PCDHGB2: variants seen among roughly 807,000 people sequenced by gnomAD.
PCDHGB2 encodes protocadherin gamma-B2.
PCDHGB2 carries 55 observed loss-of-function variants against 59.3 expected under a neutral mutation model. That is an observed-to-expected ratio of 0.93 (90% confidence interval 0.75 to 1.16). PCDHGB2 has a LOEUF of 1.16. Ranked by LOEUF, PCDHGB2 falls within the 50% of genes most tolerant of loss-of-function variation. PCDHGB2 has a pLI of 0.00. For synonymous variants in PCDHGB2, 516 were observed against 512.0 expected (o/e 1.01, Z -0.11); for missense variants, 1,228 against 1,198.5 (o/e 1.02, Z -0.36).
chr5:141,489,431 T>C lies in PCDHGB2; in HGVS notation c.2422-5376T>C. 6.2e-7 allele frequency: 1 copy of C among 1,614,132 alleles called. No individual in the cohort carries two copies. Among genetic ancestry groups the C allele is most frequent in the Non-Finnish European group, 8.5e-7 (1 of 1,180,024 alleles). On this transcript the variant is annotated intron_variant, in intron 1 of 3. Transcript: ENST00000522605. This position sits in a 1 kb window ranked among gnomAD's most constrained non-coding sequence, Gnocchi z 4.5. ...ATGACAGATCTGTTGAGCCGGCGGC[T>C]GCAATTGGGCTCTGAGGAGAATGGG...
At chr5:141,430,586 C>G in intron 1 of PCDHGB2, 1 of 517,248 alleles carries the variant, frequency 1.9e-6, no homozygotes, top group Non-Finnish European at 3.1e-6. Context: ...TCCTGCTCGC[C>G]TTGCACGCGC....
Position 141,431,334 on chromosome 5 carries a change from C to G in PCDHGB2, c.2422-63473C>G, listed in dbSNP as rs775651426. ...AATGGAGCCGACGGTAGTAAGTACC[C>G]CGAATTGGTGCTGAAACGCGCCCTG... On this transcript the variant is annotated intron_variant, in intron 1 of 3. Transcript: ENST00000522605. This position sits in a 1 kb window ranked among gnomAD's most constrained non-coding sequence, Gnocchi z 4.8. 1.9e-6 allele frequency: 3 copies of G among 1,614,118 alleles called. No individual in the cohort carries two copies. The South Asian group carries it at 3.3e-5, about 18-fold the overall frequency.
At chr5:141,389,843 G>T (rs372102656) in intron 1 of PCDHGB2, 3 of 1,614,016 alleles carry the variant, frequency 1.9e-6, no homozygotes, top group Non-Finnish European at 2.5e-6. Context: ...CACCACTCTC[G>T]GCCACTGCCA....
At chr5:141,448,907 T>G (rs1253773780) in intron 1 of PCDHGB2, among the ~76,000 whole-genome samples, 1 of 152,178 alleles carries the variant, frequency 6.6e-6, no homozygotes, top group African/African-American at 2.4e-5. Flanking sequence ...ATCGTGCCAC[T>G]GCACTCCAGC....
intron 1 of PCDHGB2, among the ~76,000 whole-genome samples, chr5:141,445,924 A>G (rs1451439271): frequency 6.6e-6 from 1 of 152,184 alleles, no homozygotes; most frequent in Non-Finnish European, 1.5e-5. Flanking sequence ...GTGACAAGAT[A>G]TTTGAATTAT....
In PCDHGB2 at chr5:141,409,031, A is replaced by G. The variant is rs748995883; in HGVS notation, c.2421+46475A>G. The G allele has an allele frequency of 1.2e-6, 2 of 1,614,032 alleles. No individual in the cohort carries two copies. The highest frequency in any genetic ancestry group is 1.7e-6 in the Non-Finnish European group (2 of 1,179,904). The stretch of plus-strand genomic sequence containing the variant: ...CCAGGATGAGGGGGTCAATGCTGAG[A>G]TAAACTACTACTTCCGAAGCACTGC... On this transcript the variant is annotated intron_variant, in intron 1 of 3. Transcript: ENST00000522605.
rs999463482 is a variant in PCDHGB2, at chr5:141,506,400, T to C, written c.2569+919T>C. ...GGAGGTGGCTGTGGTGAGCAGAAAATCGCACCACTGCACTCCAGCCTGGGC... is the reference window on the plus strand; with the variant it reads ...GGAGGTGGCTGTGGTGAGCAGAAAACCGCACCACTGCACTCCAGCCTGGGC... On this transcript the variant is annotated intron_variant, in intron 3 of 3. Coordinates refer to ENST00000522605, the MANE Select transcript of PCDHGB2 (RefSeq NM_018923.3). 1.2e-4 allele frequency among the ~76,000 whole-genome samples: 16 copies of C among 135,754 alleles called. No homozygotes were observed. In the Admixed American group the frequency reaches 1.3e-3, roughly 11 times the overall value. The allele number at this position is 135,754 out of a possible 152,430, so 89.1% of individuals were successfully genotyped here.
chr5:141,399,894 C>G lies in PCDHGB2; in HGVS notation c.2421+37338C>G, dbSNP rs201911174. ...GCTACCTGGTGACCAAGGTAGTGGC[C>G]GTGGACGCAGACTCAGGACACAACG... On this transcript the variant is annotated intron_variant, in intron 1 of 3. Transcript: ENST00000522605. 9.2e-4 allele frequency: 1,477 copies of G among 1,612,556 alleles called. 21 individuals carry two copies. In the South Asian group the frequency reaches 0.015, roughly 17 times the overall value.
At chr5:141,508,029 A>C (rs941166006) in intron 3 of PCDHGB2, 10 of 152,264 alleles carry the variant, frequency 6.6e-5, no homozygotes, top group African/African-American at 2.4e-4. Flanking sequence ...TGCGGTTTGC[A>C]GCTCAGCCAG....
At position 141,489,088 on chromosome 5, in the gene PCDHGB2, GAC is replaced by G; in HGVS notation, c.2422-5718_2422-5717del. 5.8e-6 allele frequency: 2 copies of G among 347,236 alleles called. No homozygotes were observed. The highest frequency in any genetic ancestry group is 4.7e-5 in the East Asian group (1 of 21,502). The allele number at this position is 347,236 out of a possible 1,614,324, so 21.5% of individuals were successfully genotyped here. A position where few individuals can be genotyped will look rare whatever the true frequency, so the allele number is the denominator to read the frequency against. ...CCCCTGCCCACCCCCGCCACTCGGT[GAC>G]TAAGAACTGCTGCAAGCAGGCAAAC... On this transcript the variant is annotated intron_variant, in intron 1 of 3. Transcript: ENST00000522605. The surrounding 1 kb of genome is among the most constrained non-coding windows in gnomAD (Gnocchi z 4.5).
In PCDHGB2 at chr5:141,432,285, C is replaced by A; in HGVS notation, c.2422-62522C>A. On this transcript the variant is annotated intron_variant, in intron 1 of 3. Transcript: ENST00000522605. The surrounding 1 kb of genome is among the most constrained non-coding windows in gnomAD (Gnocchi z 6.0). ...CTATCGTCCTACGTGTCCATCAACTCCGACACTGGGGTACTGTATGCGCTG... is the reference window on the plus strand; with the variant it reads ...CTATCGTCCTACGTGTCCATCAACTACGACACTGGGGTACTGTATGCGCTG... The A allele has an allele frequency of 6.2e-7, 1 of 1,614,262 alleles. No homozygotes were observed. The highest frequency in any genetic ancestry group is 8.5e-7 in the Non-Finnish European group (1 of 1,180,052).
Position 141,462,764 on chromosome 5 carries a change from G to C in PCDHGB2, c.2422-32043G>C, listed in dbSNP as rs150842317. Among the ~76,000 whole-genome samples, 589 of 152,084 alleles carry C rather than the reference G, an allele frequency of 3.9e-3. 5 individuals are homozygous for C. Among genetic ancestry groups the C allele is most frequent in the Admixed American group, 0.011 (169 of 15,274 alleles). ...AATTCCTATGATGATTTTCTTCCTG[G>C]CTTGGGGTCATAATTTGTTGCTTAT... On this transcript the variant is annotated intron_variant, in intron 1 of 3. Transcript: ENST00000522605.
rs1446743849 is a variant in PCDHGB2, at chr5:141,476,288, C to T, written c.2422-18519C>T. The T allele has an allele frequency of 1.3e-5, 21 of 1,613,980 alleles. No individual in the cohort carries two copies. The highest frequency in any genetic ancestry group is 2.2e-5 in the South Asian group (2 of 91,076). On this transcript the variant is annotated intron_variant, in intron 1 of 3. Coordinates refer to ENST00000522605, the MANE Select transcript of PCDHGB2 (RefSeq NM_018923.3). This position sits in a 1 kb window ranked among gnomAD's most constrained non-coding sequence, Gnocchi z 7.6. ...CGTGGTCGCGAACCTTGGTTTGGAT[C>T]TCGGTAGCCTCTCAGCCCGCAGGTT...
intron 1 of PCDHGB2, chr5:141,419,434 G>A (rs372006900): frequency 2.5e-5 from 41 of 1,613,112 alleles, no homozygotes; most frequent in Non-Finnish European, 3.3e-5. Flanking sequence ...ACGAGCAGCT[G>A]CGCACCTTCG....
At chr5:141,414,932 C>T (rs770025434) in intron 1 of PCDHGB2, 3 of 1,614,162 alleles carry the variant, frequency 1.9e-6, no homozygotes, top group Middle Eastern at 1.7e-4. Context: ...CCCCGCTCCG[C>T]AGAGCCCGGC....
rs577239742 is a variant in PCDHGB2 at position 141,501,564 on chromosome 5, T to C, written c.2481-3829T>C. ...CATAAGATCATAGGCCCTGGAATCA[T>C]ATTAGGCTGGCTTTCAGGTTGCAAC... On this transcript the variant is annotated intron_variant, in intron 2 of 3. Coordinates refer to ENST00000522605, the MANE Select transcript of PCDHGB2 (RefSeq NM_018923.3). 5.9e-5 allele frequency among the ~76,000 whole-genome samples: 9 copies of C among 152,194 alleles called. No individual in the cohort carries two copies. The South Asian group carries it at 1.7e-3, about 28-fold the overall frequency.
chr5:141,439,441 T>C (rs2098112892), intron 1 of PCDHGB2, among the ~76,000 whole-genome samples: 2 of 152,348 alleles, frequency 1.3e-5, no homozygotes, highest in South Asian at 4.1e-4. Context: ...GAATATTTTA[T>C]TGCGGGAGCA....
rs62379205 is a variant in PCDHGB2, at chr5:141,491,971, T to G, written c.2422-2836T>G. On this transcript the variant is annotated intron_variant, in intron 1 of 3. Coordinates refer to ENST00000522605, the MANE Select transcript of PCDHGB2 (RefSeq NM_018923.3). This position sits in a 1 kb window ranked among gnomAD's most constrained non-coding sequence, Gnocchi z 6.9. ...CCTACACTCAAAAAAGGCCGGGGCC[T>G]CCTTCGAGCTTCCGGTGAATTTCGG... The G allele has an allele frequency of 3.6e-6, 3 of 831,948 alleles. No homozygotes were observed. Among genetic ancestry groups the G allele is most frequent in the Admixed American group, 3.7e-5 (1 of 26,692 alleles). The allele number at this position is 831,948 out of a possible 1,614,324, so 51.5% of individuals were successfully genotyped here.
At chr5:141,412,233 A>T (rs866840267) in intron 1 of PCDHGB2, 1 of 152,256 alleles carries the variant, frequency 6.6e-6, no homozygotes, top group Non-Finnish European at 1.5e-5. Context: ...TTAAAAACCT[A>T]TATCACTACA....
Sources: allele counts gnomAD v4.1 joint callset (sites outside exome capture counted in the v4.1 genomes callset), GRCh38; gene constraint gnomAD v4.1.1; non-coding constraint Gnocchi (gnomAD v3.1); transcripts MANE v1.5; gene names NCBI Gene and HGNC (gene_info 2026-07-23, HGNC 2026-07-21).